The following RUVBL1 variants were observed in gnomAD, a reference collection of about 807,000 sequenced individuals.
RUVBL1 encodes ruvB-like 1.
RUVBL1 carries 4 observed loss-of-function variants against 52.4 expected under a neutral mutation model. The observed-to-expected ratio is 0.08, with a 90% CI of 0.04 to 0.17. The LOEUF (loss-of-function observed/expected upper bound fraction) is 0.17. Ranked by LOEUF, RUVBL1 falls within the 10% of genes least tolerant of loss-of-function variation. The probability of loss-of-function intolerance (pLI) is 1.00; values close to 1 mark genes in which losing one functional copy is unlikely to be tolerated. For synonymous variants in RUVBL1, 217 were observed against 214.4 expected, an observed-to-expected ratio of 1.01 and a Z score of -0.10; for missense variants, 298 against 572.8, an observed-to-expected ratio of 0.52 and a Z score of 4.90.
rs531378348 is a variant in RUVBL1, at chr3:128,130,501, C to A, written c.-39-11087G>T. Reference sequence around the variant, plus strand: ...CCAGGCCAGGAGCAATGGCTCATGCCTGTAACCTCAGCACTTTGGGAGGCC... The same window carrying A: ...CCAGGCCAGGAGCAATGGCTCATGCATGTAACCTCAGCACTTTGGGAGGCC... On this transcript the variant is annotated intron_variant, in intron 1 of 9. Coordinates refer to the RUVBL1 transcript ENST00000464873. Among the ~76,000 whole-genome samples, 129 of 150,812 alleles carry A rather than the reference C, an allele frequency of 8.6e-4. 1 individual carries two copies. The highest frequency in any genetic ancestry group is 3.0e-3 in the African/African-American group (125 of 41,106).
chr3:128,152,152 T>C (rs1024216557), intron 1 of RUVBL1, among the ~76,000 whole-genome samples: 2 of 152,242 alleles, frequency 1.3e-5, no homozygotes, highest in African/African-American at 4.8e-5. Context: ...TTGTTACCTC[T>C]GGTTGGTGAC....
At chr3:128,109,033 T>A (rs1943313711) in intron 3 of RUVBL1, among the ~76,000 whole-genome samples, 1 of 152,122 alleles carries the variant, frequency 6.6e-6, no homozygotes, top group Non-Finnish European at 1.5e-5. Flanking sequence ...GATACACACA[T>A]GGGGTGTACA....
chr3:128,128,554 G>GA (rs1030198008), upstream of RUVBL1, among the ~76,000 whole-genome samples: 2 of 151,846 alleles, frequency 1.3e-5, no homozygotes, highest in Admixed American at 6.5e-5. Flanking sequence ...CAACTAGAAG[G>GA]AAAAAAGGGG....
At chr3:128,135,338 G>A (rs1208383442) in intron 1 of RUVBL1, among the ~76,000 whole-genome samples, 1 of 152,180 alleles carries the variant, frequency 6.6e-6, no homozygotes, top group Admixed American at 6.5e-5. Flanking sequence ...TTCGAGACCA[G>A]CCTGGCAAAT....
In RUVBL1 at chr3:128,067,476, A is replaced by G. The variant is rs919536596; in HGVS notation, c.940-2256T>C. ...TATCCAGTTGGTGGCCTTTGCTATT[A>G]CCTGTCCCCTCCAGAATCTTTTGGC... On this transcript the variant is annotated intron_variant, in intron 9 of 9. Coordinates refer to the RUVBL1 transcript ENST00000464873. The surrounding 1 kb of genome is among the most constrained non-coding windows in gnomAD (Gnocchi z 4.1). 6.2e-7 allele frequency: 1 copy of G among 1,613,988 alleles called. No homozygotes were observed. The highest frequency in any genetic ancestry group is 8.5e-7 in the Non-Finnish European group (1 of 1,180,014).
intron 6 of RUVBL1, among the ~76,000 whole-genome samples, chr3:128,099,418 T>C (rs1346036231): frequency 1.3e-5 from 2 of 152,232 alleles, no homozygotes; most frequent in African/African-American, 4.8e-5. Flanking sequence ...TCCTGTGCCT[T>C]TGGGGACACA....
chr3:128,152,653 G>A lies in RUVBL1; in HGVS notation c.-40+550C>T, dbSNP rs144612625. On this transcript the variant is annotated intron_variant, in intron 1 of 9. Coordinates refer to the RUVBL1 transcript ENST00000464873. ...TCTTGCTGAAATGTATGAATGATTG[G>A]AAGTGTGTCCGGAGTTGGTTTCTTC... Among the ~76,000 whole-genome samples, 102 of 152,258 alleles carry A rather than the reference G, an allele frequency of 6.7e-4. 2 individuals carry two copies. The East Asian group carries it at 0.018, about 27-fold the overall frequency.
intron 9 of RUVBL1, among the ~76,000 whole-genome samples, chr3:128,087,163 T>G (rs952424298): frequency 3.9e-5 from 6 of 152,252 alleles, no homozygotes. Context: ...TCATGCTGTT[T>G]ACAGCAGACA....
chr3:128,104,976 C>T (rs1943189787), intron 3 of RUVBL1, 52 bp from the exon 4 acceptor site: 1 of 1,556,390 alleles, frequency 6.4e-7, no homozygotes, highest in Non-Finnish European at 8.8e-7. Context: ...TTTTCTCTCA[C>T]ACTGAGAGCC....
intron 1 of RUVBL1, 120 bp from the exon 2 acceptor site, chr3:128,119,534 C>T: frequency 1.4e-6 from 1 of 700,626 alleles, no homozygotes; most frequent in South Asian, 2.0e-5. Flanking sequence ...AGTGCCAGTG[C>T]ACTGCAGTCA....
At chr3:128,085,854 G>C (rs1286453233) in intron 9 of RUVBL1, among the ~76,000 whole-genome samples, 1 of 152,262 alleles carries the variant, frequency 6.6e-6, no homozygotes, top group African/African-American at 2.4e-5. Context: ...AATGAGATGA[G>C]AGATTTCTAG....
At chr3:128,153,610 G>T in exon 1 of RUVBL1, 1 of 1,595,424 alleles carries the variant, frequency 6.3e-7, no homozygotes. Flanking sequence ...CTCCACCGCC[G>T]CCTTTGACAA....
At chr3:128,124,595 T>A (rs1943752892), upstream of RUVBL1, among the ~76,000 whole-genome samples, 1 of 152,192 alleles carries the variant, frequency 6.6e-6, no homozygotes, top group African/African-American at 2.4e-5. Flanking sequence ...GCACCACAAT[T>A]GTACTTGCCA....
At chr3:128,075,590 G>T (rs544164298) in intron 9 of RUVBL1, among the ~76,000 whole-genome samples, 1 of 152,108 alleles carries the variant, frequency 6.6e-6, no homozygotes, top group African/African-American at 2.4e-5. Context: ...CGCTTGCTGG[G>T]AAGTCGCGCA....
chr3:128,151,091 AT>A (rs1347270141), intron 1 of RUVBL1, among the ~76,000 whole-genome samples: 1 of 115,634 alleles, frequency 8.6e-6, no homozygotes, highest in Non-Finnish European at 1.6e-5. Context: ...CTATATATCT[AT>A]ATATTCTATA....
At chr3:128,079,179 C>A (rs904485922), downstream of RUVBL1, 13 of 152,300 alleles carry the variant, frequency 8.5e-5, no homozygotes, top group African/African-American at 3.1e-4. Flanking sequence ...CCAGCCAGGG[C>A]AGAGGCCTGG....
intron 2 of RUVBL1, among the ~76,000 whole-genome samples, chr3:128,115,406 G>T (rs959508727): frequency 2.6e-5 from 4 of 152,316 alleles, no homozygotes; most frequent in African/African-American, 9.6e-5. Context: ...TTAACAGTGT[G>T]AGGTCCTCAA....
exon 10 of RUVBL1, chr3:128,065,148 A>C (rs1559797642): frequency 8.4e-7 from 1 of 1,191,454 alleles, no homozygotes; most frequent in Admixed American, 1.7e-5. Context: ...ATTGTGTTGA[A>C]ACGATGAGAT....
intron 8 of RUVBL1, among the ~76,000 whole-genome samples, chr3:128,095,699 T>C (rs1222506008): frequency 6.6e-6 from 1 of 152,192 alleles, no homozygotes; most frequent in Non-Finnish European, 1.5e-5. Flanking sequence ...AGAACCCCCA[T>C]TGTGGGGCTT....
Sources: allele counts gnomAD v4.1 joint callset (sites outside exome capture counted in the v4.1 genomes callset), GRCh38; gene constraint gnomAD v4.1.1; non-coding constraint Gnocchi (gnomAD v3.1); transcripts MANE v1.5; gene names NCBI Gene and HGNC (gene_info 2026-07-23, HGNC 2026-07-21).